SGCD: variants seen among roughly 807,000 people sequenced by gnomAD.
The protein encoded by SGCD is sarcoglycan delta, also known as delta-sarcoglycan.
In SGCD, 18 loss-of-function variants were observed where a neutral mutation model predicts 36.6. The ratio of observed to expected loss-of-function variants is 0.49; its 90% confidence interval spans 0.34 to 0.73. The LOEUF (loss-of-function observed/expected upper bound fraction) is 0.73, where lower values mean the gene tolerates loss of function less well. SGCD is among the 30% of genes least tolerant of loss of function. The probability of loss-of-function intolerance (pLI) is 0.01; values close to 1 mark genes in which losing one functional copy is unlikely to be tolerated. For synonymous variants in SGCD, 133 were observed against 130.6 expected, an observed-to-expected ratio of 1.02 and a Z score of -0.12; for missense variants, 387 against 346.7, an observed-to-expected ratio of 1.12 and a Z score of -0.92.
chr5:156,267,091 TCA>T (rs1766019717), intron 3 of SGCD, among the ~76,000 whole-genome samples: 1 of 152,196 alleles, frequency 6.6e-6, no homozygotes, highest in Non-Finnish European at 1.5e-5. Flanking sequence ...TTGAACTCTC[TCA>T]GACTCCACTT....
intron 6 of SGCD, among the ~76,000 whole-genome samples, chr5:156,603,508 A>C (rs993423520): frequency 5.3e-5 from 8 of 151,952 alleles, no homozygotes; most frequent in African/African-American, 1.9e-4. Flanking sequence ...GTATCTTTAG[A>C]TTGCTTAATA....
At chr5:155,739,874 A>C in the SGCD span, among the ~76,000 whole-genome samples, 1 of 152,150 alleles carries the variant, frequency 6.6e-6, no homozygotes, top group African/African-American at 2.4e-5. Context: ...ATTTAAACTT[A>C]TAGATTTTTA....
At chr5:156,219,554 G>T (rs1254534979) in intron 3 of SGCD, among the ~76,000 whole-genome samples, 2 of 152,258 alleles carry the variant, frequency 1.3e-5, no homozygotes, top group East Asian at 3.9e-4. Flanking sequence ...ACATGATTAA[G>T]GATCACCAAG....
At chr5:156,615,989 A>G (rs1235943984) in intron 6 of SGCD, among the ~76,000 whole-genome samples, 2 of 152,218 alleles carry the variant, frequency 1.3e-5, no homozygotes, top group African/African-American at 4.8e-5. Context: ...GTTGTGATAT[A>G]AATCCAATTC....
chr5:156,328,458 AACAGG>A (rs1767914359), intron 1 of SGCD, among the ~76,000 whole-genome samples: 1 of 152,112 alleles, frequency 6.6e-6, no homozygotes, highest in African/African-American at 2.4e-5. Flanking sequence ...TCTCTGTGAC[AACAGG>A]TGTGCATTTA....
chr5:156,431,798 C>T (rs112730905), intron 3 of SGCD, among the ~76,000 whole-genome samples: 2 of 152,134 alleles, frequency 1.3e-5, no homozygotes, highest in Non-Finnish European at 2.9e-5. Flanking sequence ...TCAGTGCAAC[C>T]TCTGCCTCCC....
At chr5:155,819,980 A>C in the SGCD span, among the ~76,000 whole-genome samples, 1 of 152,194 alleles carries the variant, frequency 6.6e-6, no homozygotes. Context: ...CTACTTTGGC[A>C]TGCATTGATT....
At chr5:156,025,008 G>A (rs1262341414) in intron 1 of SGCD, among the ~76,000 whole-genome samples, 1 of 151,922 alleles carries the variant, frequency 6.6e-6, no homozygotes, top group African/African-American at 2.4e-5. Flanking sequence ...AATAAGTTGA[G>A]GAAACATTGT....
chr5:156,214,604 A>T (rs1049594956), intron 3 of SGCD, among the ~76,000 whole-genome samples: 5 of 152,208 alleles, frequency 3.3e-5, no homozygotes, highest in Admixed American at 2.0e-4. Flanking sequence ...CCATTCTAAA[A>T]TTTTTATGGA....
intron 3 of SGCD, among the ~76,000 whole-genome samples, chr5:156,166,417 C>T (rs993091629): frequency 2.0e-5 from 3 of 152,098 alleles, no homozygotes; most frequent in African/African-American, 7.2e-5. Context: ...CCTGGGTTCA[C>T]GTCATTCTCC....
rs564996466 is a variant in SGCD at position 156,313,401 on chromosome 5, G to A, written c.-43-16133G>A. Among the ~76,000 whole-genome samples the A allele has an allele frequency of 3.9e-5, 6 of 151,934 alleles. No individual in the cohort carries two copies. In the South Asian group the frequency reaches 1.2e-3, roughly 32 times the overall value. ...TTCTGCTTTTTCTCTGGAAGTAGTT[G>A]TCAACATCATTTTTTGATTTTGTGT... On this transcript the variant is annotated intron_variant, in intron 3 of 9. Transcript: ENST00000517913.
At chr5:155,884,384 G>A (rs1340670291) in intron 1 of SGCD, among the ~76,000 whole-genome samples, 5 of 152,174 alleles carry the variant, frequency 3.3e-5, no homozygotes, top group African/African-American at 9.7e-5. Context: ...TCTCTGCCAC[G>A]ATGCCTGGGA....
chr5:155,732,750 G>T, the SGCD span, among the ~76,000 whole-genome samples: 1 of 152,138 alleles, frequency 6.6e-6, no homozygotes, highest in Non-Finnish European at 1.5e-5. Flanking sequence ...TTTAGCCCAT[G>T]CCCCAAGCCT....
At chr5:156,275,119 G>A (rs1337572441) in intron 3 of SGCD, among the ~76,000 whole-genome samples, 5 of 152,146 alleles carry the variant, frequency 3.3e-5, no homozygotes, top group Admixed American at 3.3e-4. Flanking sequence ...GGGCAGATGT[G>A]ACATCTTGTC....
chr5:155,848,105 A>C, the SGCD span, among the ~76,000 whole-genome samples: 1 of 152,220 alleles, frequency 6.6e-6, no homozygotes, highest in South Asian at 2.1e-4. Context: ...GAAGACAAGC[A>C]CACAAATCTC....
At position 156,720,129 on chromosome 5, in the gene SGCD, G is replaced by A. The variant is rs138055118; in HGVS notation, c.576-37452G>A. Among the ~76,000 whole-genome samples, 173 of 152,294 alleles carry A rather than the reference G, an allele frequency of 1.1e-3. 2 individuals carry two copies. The highest frequency in any genetic ancestry group is 2.7e-3 in the African/African-American group (112 of 41,570). On this transcript the variant is annotated intron_variant, in intron 7 of 8. Transcript: ENST00000337851. ...GCCACAAGGAGCCAAAAGAGACCAC[G>A]TTTGTGTACATCACTTTTTATCTAA...
chr5:156,551,569 AT>A (rs1482272113), intron 4 of SGCD, among the ~76,000 whole-genome samples: 19 of 152,092 alleles, frequency 1.2e-4, no homozygotes, highest in Non-Finnish European at 4.4e-5. Flanking sequence ...CATGGTGAAA[AT>A]TCGACAGTCA....
intron 3 of SGCD, among the ~76,000 whole-genome samples, chr5:156,168,845 A>C (rs1763274178): frequency 6.6e-6 from 1 of 152,226 alleles, no homozygotes; most frequent in African/African-American, 2.4e-5. Context: ...CTGAACTCTC[A>C]AGAAGTTGGA....
At chr5:156,072,396 A>C (rs201085982) in intron 1 of SGCD, among the ~76,000 whole-genome samples, 14 of 152,014 alleles carry the variant, frequency 9.2e-5, no homozygotes, top group African/African-American at 7.2e-5. Context: ...ATGAAGCTTA[A>C]TTTGGCTGGA....
Sources: allele counts gnomAD v4.1 joint callset (sites outside exome capture counted in the v4.1 genomes callset), GRCh38; gene constraint gnomAD v4.1.1; transcripts MANE v1.5; gene names NCBI Gene and HGNC (gene_info 2026-07-23, HGNC 2026-07-21).